ADIPOR2: variants seen among roughly 807,000 people sequenced by gnomAD.
ADIPOR2 encodes the protein adiponectin receptor 2, also known as adiponectin receptor protein 2.
In ADIPOR2, 18 loss-of-function variants were observed where a neutral mutation model predicts 40.9. That is an observed-to-expected ratio of 0.44 (90% CI 0.30 to 0.65). ADIPOR2 has a LOEUF of 0.65. ADIPOR2 is among the 30% of genes least tolerant of loss of function. ADIPOR2 has a pLI of 0.09. For missense variants in ADIPOR2, 283 were observed against 479.2 expected (o/e 0.59, Z 3.82); for synonymous variants, 165 against 166.4 (o/e 0.99, Z 0.06).
rs181395173 is a variant in ADIPOR2, at chr12:1,788,637, C to G, written c.*2565C>G. 1 of 152,696 alleles carries G rather than the reference C, an allele frequency of 6.5e-6. No homozygotes were observed. The allele number at this position is 152,696 out of a possible 1,614,324, so 9.5% of individuals were successfully genotyped here. A position where few individuals can be genotyped will look rare whatever the true frequency, so the allele number is the denominator to read the frequency against. On this transcript the variant is annotated 3_prime_UTR_variant, in exon 8 of 8. Transcript: ENST00000357103. ...CATTGATGTGGGATTTCCCTACTTG[C>G]TGTATTCTCAGTTTCTAATAAAAAG...
At position 1,773,095 on chromosome 12, in the gene ADIPOR2, T is replaced by G. The variant is rs971224998; in HGVS notation, c.291+134T>G. On this transcript the variant is annotated intron_variant, in intron 3 of 7. Coordinates refer to ENST00000357103, the MANE Select transcript of ADIPOR2 (RefSeq NM_024551.3). ...ATCTGTGGCAAGATGGGGACAGAAG[T>G]GGTCTTGGGACTCTAATCCTGTTGA... 16 of 1,142,058 alleles carry G rather than the reference T, an allele frequency of 1.4e-5. 1 individual carries two copies. Among genetic ancestry groups the G allele is most frequent in the African/African-American group, 1.6e-5 (1 of 63,766 alleles). 70.7% of individuals were successfully genotyped at this position (1,142,058 alleles called of 1,614,324 possible). A position where few individuals can be genotyped will look rare whatever the true frequency, so the allele number is the denominator to read the frequency against.
intron 1 of ADIPOR2, among the ~76,000 whole-genome samples, chr12:1,732,826 A>G (rs969253428): frequency 7.2e-5 from 11 of 152,202 alleles, no homozygotes; most frequent in African/African-American, 2.4e-4. Flanking sequence ...AAATGAGAAA[A>G]TGAATTTATT....
chr12:1,731,023 G>A (rs1473552427), intron 1 of ADIPOR2: 1 of 152,118 alleles, frequency 6.6e-6, no homozygotes, highest in Non-Finnish European at 1.5e-5. Flanking sequence ...CTGTGACAAA[G>A]CTAACAATAA....
intron 1 of ADIPOR2, among the ~76,000 whole-genome samples, chr12:1,736,807 G>A (rs2094731793): frequency 6.6e-6 from 1 of 152,238 alleles, no homozygotes. Flanking sequence ...AATCTGGTAT[G>A]TTGTGTCTTT....
intron 2 of ADIPOR2, among the ~76,000 whole-genome samples, chr12:1,755,770 T>C (rs1048008989): frequency 6.6e-6 from 1 of 152,258 alleles, no homozygotes; most frequent in African/African-American, 2.4e-5. Flanking sequence ...AACTTTGGGT[T>C]GTACCTATTA....
chr12:1,701,036 G>GAA (rs145041361), intron 1 of ADIPOR2, among the ~76,000 whole-genome samples: 2 of 150,064 alleles, frequency 1.3e-5, no homozygotes, highest in Non-Finnish European at 3.0e-5. Context: ...TTTTTTTGAG[G>GAA]AAAAAAAATC....
chr12:1,786,353 C>G lies in ADIPOR2; in HGVS notation c.*281C>G, dbSNP rs1024654395. 29 of 346,026 alleles carry G rather than the reference C, an allele frequency of 8.4e-5. No individual in the cohort carries two copies. The Middle Eastern group carries it at 2.3e-3, about 28-fold the overall frequency. 21.4% of individuals were successfully genotyped at this position (346,026 alleles called of 1,614,324 possible). On this transcript the variant is annotated 3_prime_UTR_variant, in exon 8 of 8. Transcript: ENST00000357103. ...TACTGATTGCGGGCTCTGCAAGACCCTTGGCAAACTGGCTTCTGATCCATA... is the reference window on the plus strand; with the variant it reads ...TACTGATTGCGGGCTCTGCAAGACCGTTGGCAAACTGGCTTCTGATCCATA...
intron 1 of ADIPOR2, among the ~76,000 whole-genome samples, chr12:1,752,924 C>T (rs536212254): frequency 1.3e-5 from 2 of 152,268 alleles, no homozygotes; most frequent in East Asian, 3.9e-4. Context: ...GTATCATGTG[C>T]TTGGCCCAGG....
intron 4 of ADIPOR2, 152 bp downstream of exon 4, chr12:1,778,177 C>G (rs1862638417): frequency 3.4e-6 from 3 of 892,672 alleles, no homozygotes; most frequent in Admixed American, 3.5e-5. Context: ...GACTGGTTTA[C>G]TCGTAGTTTA....
chr12:1,735,771 T>G (rs2094729176), intron 1 of ADIPOR2, among the ~76,000 whole-genome samples: 2 of 152,248 alleles, frequency 1.3e-5, no homozygotes, highest in Admixed American at 1.3e-4. Flanking sequence ...ATACGTCCCA[T>G]CAATACCTAA....
intron 1 of ADIPOR2, among the ~76,000 whole-genome samples, chr12:1,742,105 T>C (rs756472789): frequency 7.2e-5 from 11 of 152,170 alleles, no homozygotes; most frequent in African/African-American, 2.7e-4. Flanking sequence ...TTTCTCTCTC[T>C]CTTTTTTTAA....
intron 1 of ADIPOR2, among the ~76,000 whole-genome samples, chr12:1,704,067 T>TC: frequency 6.7e-6 from 1 of 149,824 alleles, no homozygotes; most frequent in African/African-American, 2.4e-5. Flanking sequence ...TTTTTTTTTT[T>TC]TTTTTTTTTT....
At position 1,777,865 on chromosome 12, in the gene ADIPOR2, T is replaced by A; in HGVS notation, c.303T>A (p.Gly101=). 3 of 1,611,362 alleles carry A rather than the reference T, an allele frequency of 1.9e-6. No individual in the cohort carries two copies. The highest frequency in any genetic ancestry group is 1.7e-6 in the Non-Finnish European group (2 of 1,179,012). ...TACCTCTCTGCCAGGTATGGGAAGG[T>A]CGGTGGCGAGTGATCCCTCATGATG... ...MEEFVCKVWE[G]RWRVIPHDVL... The change falls in exon 4 of 8, where the codon GGT becomes GGA. Residue 101 remains glycine (G), a synonymous_variant. Coordinates refer to ENST00000357103, the MANE Select transcript of ADIPOR2 (RefSeq NM_024551.3).
intron 1 of ADIPOR2, among the ~76,000 whole-genome samples, chr12:1,753,825 ATTCTAAT>A (rs1862055922): frequency 6.6e-6 from 1 of 151,704 alleles, no homozygotes; most frequent in African/African-American, 2.4e-5. Context: ...AGTATTTAGA[ATTCTAAT>A]TTCTAATTGT....
intron 1 of ADIPOR2, among the ~76,000 whole-genome samples, chr12:1,730,037 T>C (rs2094716630): frequency 6.6e-6 from 1 of 152,100 alleles, no homozygotes; most frequent in Non-Finnish European, 1.5e-5. Flanking sequence ...AGTGTTAATA[T>C]ATCATTTAAG....
intron 2 of ADIPOR2, among the ~76,000 whole-genome samples, chr12:1,760,418 A>C (rs1205070821): frequency 6.6e-6 from 1 of 152,140 alleles, no homozygotes; most frequent in East Asian, 1.9e-4. Flanking sequence ...CCATCACTTC[A>C]TTCTAACTTT....
intron 3 of ADIPOR2, among the ~76,000 whole-genome samples, chr12:1,777,026 T>C (rs1297408354): frequency 6.6e-6 from 1 of 152,226 alleles, no homozygotes; most frequent in East Asian, 1.9e-4. Flanking sequence ...TTCTGACTCC[T>C]GTGCTCTTTC....
intron 1 of ADIPOR2, among the ~76,000 whole-genome samples, chr12:1,710,806 T>G (rs1006488362): frequency 6.6e-6 from 1 of 152,082 alleles, no homozygotes; most frequent in South Asian, 2.1e-4. Context: ...CAGGGGTCCT[T>G]GGTAGAAGTT....
chr12:1,762,089 C>A (rs534974201), intron 2 of ADIPOR2, among the ~76,000 whole-genome samples: 1 of 152,302 alleles, frequency 6.6e-6, no homozygotes, highest in Non-Finnish European at 1.5e-5. Flanking sequence ...TGGGCTCTTT[C>A]CAGCTTCAGA....
Sources: gnomAD v4.1 joint callset for allele counts (sites outside exome capture counted in the v4.1 genomes callset) on GRCh38, gnomAD v4.1.1 for gene constraint, MANE v1.5 for transcripts, NCBI Gene and HGNC (gene_info 2026-07-23, HGNC 2026-07-21) for gene names.